Variants in ZRANB3 observed in about 807,000 individuals in gnomAD.
The protein encoded by ZRANB3 is DNA annealing helicase and endonuclease ZRANB3.
In ZRANB3, 125 loss-of-function variants were observed where a neutral mutation model predicts 133.8. The ratio of observed to expected loss-of-function variants is 0.93; its 90% confidence interval spans 0.81 to 1.08. ZRANB3 has a LOEUF of 1.08. Ranked by LOEUF, ZRANB3 falls within the 50% of genes least tolerant of loss-of-function variation. ZRANB3 has a pLI of 0.00. For missense variants in ZRANB3, 1,229 were observed against 1,275.5 expected (o/e 0.96, Z 0.56); for synonymous variants, 387 against 432.7 (o/e 0.89, Z 1.31).
intron 1 of ZRANB3, chr2:135,530,644 A>G (rs1490918331): frequency 6.6e-6 from 1 of 152,194 alleles, no homozygotes; most frequent in Non-Finnish European, 1.5e-5. Flanking sequence ...ATACGTACTA[A>G]TAATTTAAAA....
rs557653363 is a variant in ZRANB3, at chr2:135,461,854, C to T, written c.161+42475G>A. On this transcript the variant is annotated intron_variant, in intron 2 of 20. Transcript: ENST00000264159. ...CTAGCAAAATGGAAAATATAGTATACGTCTGAAAAGATCGTTAGCAGGATT... is the reference window on the plus strand; with the variant it reads ...CTAGCAAAATGGAAAATATAGTATATGTCTGAAAAGATCGTTAGCAGGATT... Among the ~76,000 whole-genome samples the T allele has an allele frequency of 2.6e-4, 39 of 152,172 alleles. No homozygotes were observed. In the South Asian group the frequency reaches 7.7e-3, roughly 30 times the overall value.
chr2:135,276,969 T>C (rs1376974777), intron 8 of ZRANB3, among the ~76,000 whole-genome samples: 1 of 152,190 alleles, frequency 6.6e-6, no homozygotes, highest in Middle Eastern at 3.2e-3. Flanking sequence ...CTATTCCATA[T>C]AATAGGTAAC....
At chr2:135,431,132 T>A (rs1574093249) in intron 2 of ZRANB3, among the ~76,000 whole-genome samples, 1 of 148,136 alleles carries the variant, frequency 6.8e-6, no homozygotes, top group East Asian at 2.0e-4. Flanking sequence ...AATAAATAAA[T>A]AAAATAAAAA....
intron 2 of ZRANB3, among the ~76,000 whole-genome samples, chr2:135,497,630 T>C (rs1692736499): frequency 6.6e-6 from 1 of 152,164 alleles, no homozygotes; most frequent in Non-Finnish European, 1.5e-5. Flanking sequence ...ACAGCACTTA[T>C]CTAGAAAGGT....
intron 2 of ZRANB3, among the ~76,000 whole-genome samples, chr2:135,439,851 A>G (rs1357044278): frequency 6.6e-6 from 1 of 152,210 alleles, no homozygotes; most frequent in African/African-American, 2.4e-5. Flanking sequence ...GAACCACTAC[A>G]TAGGATGAAG....
chr2:135,355,330 CAATACAG>C, intron 3 of ZRANB3: 1 of 843,378 alleles, frequency 1.2e-6, no homozygotes, highest in Non-Finnish European at 1.4e-6. Flanking sequence ...AACTTGGTTC[CAATACAG>C]CAGAACTTTA....
chr2:135,219,748 T>C (rs938037952), intron 15 of ZRANB3, among the ~76,000 whole-genome samples: 11 of 152,310 alleles, frequency 7.2e-5, no homozygotes, highest in African/African-American at 2.6e-4. Flanking sequence ...TACTTAAAAA[T>C]TGGCTCCCCC....
At chr2:135,483,247 T>A (rs528474275) in intron 2 of ZRANB3, among the ~76,000 whole-genome samples, 27 of 152,256 alleles carry the variant, frequency 1.8e-4, no homozygotes, top group African/African-American at 6.5e-4. Flanking sequence ...CATCTGGTCC[T>A]GGACTCTTTT....
chr2:135,499,983 A>G (rs1459568051), intron 2 of ZRANB3, among the ~76,000 whole-genome samples: 1 of 152,194 alleles, frequency 6.6e-6, no homozygotes, highest in African/African-American at 2.4e-5. Flanking sequence ...ATTTGGACCC[A>G]GAGACATAAA....
intron 3 of ZRANB3, among the ~76,000 whole-genome samples, chr2:135,383,143 A>G (rs558757931): frequency 1.3e-5 from 2 of 152,194 alleles, no homozygotes; most frequent in Admixed American, 1.3e-4. Flanking sequence ...AAAGGGATGG[A>G]GGAAGATCTA....
intron 6 of ZRANB3, among the ~76,000 whole-genome samples, chr2:135,335,040 T>C (rs1684308640): frequency 6.6e-6 from 1 of 152,186 alleles, no homozygotes. Context: ...CACCTAGGTA[T>C]TAAGCCCCGT....
intron 19 of ZRANB3, among the ~76,000 whole-genome samples, chr2:135,207,087 C>T (rs1304367806): frequency 1.3e-5 from 2 of 151,948 alleles, no homozygotes; most frequent in African/African-American, 4.8e-5. Context: ...ATCGCTTGAA[C>T]CCAGGTGGCA....
chr2:135,403,431 T>G (rs1271491954), intron 2 of ZRANB3, among the ~76,000 whole-genome samples: 1 of 152,116 alleles, frequency 6.6e-6, no homozygotes, highest in Non-Finnish European at 1.5e-5. Flanking sequence ...TGCGGAGGCT[T>G]GAGTAGGTAA....
intron 15 of ZRANB3, among the ~76,000 whole-genome samples, chr2:135,223,309 A>C (rs901803933): frequency 2.0e-4 from 31 of 152,076 alleles, no homozygotes; most frequent in African/African-American, 7.5e-4. Flanking sequence ...ATTCACATTT[A>C]AGTGAATAAA....
chr2:135,427,665 G>C (rs1349123181), intron 2 of ZRANB3, among the ~76,000 whole-genome samples: 1 of 152,106 alleles, frequency 6.6e-6, no homozygotes, highest in Non-Finnish European at 1.5e-5. Context: ...CTATGAAACT[G>C]CCAATGACAT....
chr2:135,356,705 T>G (rs926249377), intron 3 of ZRANB3, among the ~76,000 whole-genome samples: 1 of 152,172 alleles, frequency 6.6e-6, no homozygotes, highest in Non-Finnish European at 1.5e-5. Context: ...TGTTAAAAAT[T>G]CTTGGGGTTT....
At chr2:135,340,397 C>T (rs1039157771) in intron 6 of ZRANB3, among the ~76,000 whole-genome samples, 1 of 152,098 alleles carries the variant, frequency 6.6e-6, no homozygotes, top group African/African-American at 2.4e-5. Flanking sequence ...TTAGCTACTG[C>T]GCCCAACCCC....
At chr2:135,446,041 C>A (rs1690006837) in intron 2 of ZRANB3, among the ~76,000 whole-genome samples, 1 of 151,246 alleles carries the variant, frequency 6.6e-6, no homozygotes. Context: ...CCTGTCTCTA[C>A]TAAAAATACA....
At chr2:135,419,227 G>A (rs562154255) in intron 2 of ZRANB3, among the ~76,000 whole-genome samples, 6 of 151,652 alleles carry the variant, frequency 4.0e-5, no homozygotes, top group East Asian at 1.9e-4. Flanking sequence ...CTGAGCCACC[G>A]CACCTAGGCT....
Sources: allele counts gnomAD v4.1 joint callset (sites outside exome capture counted in the v4.1 genomes callset), GRCh38; gene constraint gnomAD v4.1.1; transcripts MANE v1.5; gene names NCBI Gene and HGNC (gene_info 2026-07-23, HGNC 2026-07-21).